The following GRIN2A variants were observed in gnomAD, a reference collection of about 807,000 sequenced individuals.
GRIN2A encodes the protein glutamate receptor ionotropic, NMDA 2A.
Under a neutral mutation model 113.4 loss-of-function variants are expected in GRIN2A, and 22 were observed. The ratio of observed to expected loss-of-function variants is 0.19; its 90% CI spans 0.14 to 0.28. The LOEUF is 0.28. Ranked by LOEUF, GRIN2A falls within the 10% of genes least tolerant of loss-of-function variation. The pLI is 1.00. For missense variants in GRIN2A, 1,502 were observed against 1,887.0 expected (o/e 0.80, Z 3.78); for synonymous variants, 827 against 738.4 (o/e 1.12, Z -1.94).
intron 2 of GRIN2A, among the ~76,000 whole-genome samples, chr16:10,050,813 G>C (rs556333161): frequency 1.3e-5 from 2 of 152,172 alleles, no homozygotes; most frequent in Admixed American, 6.5e-5. Context: ...TAGAGACAGT[G>C]AATCATAATC....
At chr16:10,135,343 G>A (rs2049169688) in intron 2 of GRIN2A, among the ~76,000 whole-genome samples, 1 of 152,112 alleles carries the variant, frequency 6.6e-6, no homozygotes, top group African/African-American at 2.4e-5. Flanking sequence ...GATGATTTAG[G>A]TAGTCTCTAA....
intron 2 of GRIN2A, among the ~76,000 whole-genome samples, chr16:10,072,073 T>C (rs1385101867): frequency 6.6e-6 from 1 of 152,210 alleles, no homozygotes; most frequent in Non-Finnish European, 1.5e-5. Context: ...GATCAGAAAG[T>C]GATGATACCT....
chr16:10,103,367 A>G (rs1277445341), intron 2 of GRIN2A, among the ~76,000 whole-genome samples: 1 of 152,202 alleles, frequency 6.6e-6, no homozygotes, highest in Non-Finnish European at 1.5e-5. Flanking sequence ...CATTTTGCAG[A>G]GCAGAAAATA....
chr16:10,089,461 G>A (rs1011694325), intron 2 of GRIN2A, among the ~76,000 whole-genome samples: 6 of 152,144 alleles, frequency 3.9e-5, no homozygotes, highest in East Asian at 1.9e-4. Context: ...TGTTACCAAC[G>A]AGAAGCATAT....
At chr16:10,074,047 G>GT (rs201923898) in intron 2 of GRIN2A, among the ~76,000 whole-genome samples, 35 of 152,148 alleles carry the variant, frequency 2.3e-4, no homozygotes, top group Non-Finnish European at 1.3e-4. Flanking sequence ...AGGCGACTCC[G>GT]TTTTTAAAAA....
chr16:9,870,317 T>G (rs768348360), intron 4 of GRIN2A, among the ~76,000 whole-genome samples: 1 of 152,154 alleles, frequency 6.6e-6, no homozygotes, highest in Non-Finnish European at 1.5e-5. Context: ...TGTGACCTTA[T>G]GCATACACTT....
At chr16:9,899,440 CAAAAA>C (rs71157791) in intron 3 of GRIN2A, among the ~76,000 whole-genome samples, 2 of 6,208 alleles carry the variant, frequency 3.2e-4, no homozygotes, top group Non-Finnish European at 6.7e-4. Context: ...AACTCCGTCT[CAAAAA>C]AAAAAAAAAA....
intron 2 of GRIN2A, among the ~76,000 whole-genome samples, chr16:9,989,640 T>A (rs1040366189): frequency 1.3e-4 from 20 of 151,862 alleles, no homozygotes; most frequent in African/African-American, 4.6e-4. Context: ...AAACTAGGTA[T>A]CCAACAAAGG....
chr16:9,834,028 G>A, intron 8 of GRIN2A, 77 bp downstream of exon 8: 1 of 1,440,900 alleles, frequency 6.9e-7, no homozygotes, highest in Non-Finnish European at 9.8e-7. Flanking sequence ...AGAGTAATGT[G>A]TTCTAAAACT....
chr16:9,983,983 G>T (rs1209399184), intron 2 of GRIN2A, among the ~76,000 whole-genome samples: 1 of 152,164 alleles, frequency 6.6e-6, no homozygotes, highest in Non-Finnish European at 1.5e-5. Context: ...ACTCCATACC[G>T]TTTTTCATAA....
At chr16:9,877,919 G>A (rs937151927) in intron 4 of GRIN2A, among the ~76,000 whole-genome samples, 1 of 146,110 alleles carries the variant, frequency 6.8e-6, no homozygotes, top group South Asian at 2.2e-4. Context: ...AGGGCTTTGC[G>A]TTTCTCTACA....
intron 2 of GRIN2A, among the ~76,000 whole-genome samples, chr16:10,114,613 A>T (rs563823051): frequency 3.0e-4 from 45 of 152,316 alleles, no homozygotes; most frequent in Non-Finnish European, 6.0e-4. Flanking sequence ...GTAGCTAAGA[A>T]CACTGCCCAC....
chr16:9,913,050 G>A (rs2044177016), intron 3 of GRIN2A, among the ~76,000 whole-genome samples: 1 of 152,218 alleles, frequency 6.6e-6, no homozygotes, highest in Admixed American at 6.5e-5. Context: ...GTGTCCACAT[G>A]ATTTCTCTCC....
chr16:9,896,033 T>A (rs929858465), intron 3 of GRIN2A, among the ~76,000 whole-genome samples: 1 of 151,050 alleles, frequency 6.6e-6, no homozygotes, highest in Non-Finnish European at 1.5e-5. Context: ...TTGCGTAACA[T>A]GAACTGAATG....
chr16:9,775,025 C>T (rs546021555), intron 11 of GRIN2A, among the ~76,000 whole-genome samples: 1 of 152,340 alleles, frequency 6.6e-6, no homozygotes, highest in Admixed American at 6.5e-5. Context: ...TCCAGAGGAA[C>T]TGCAGTTTTT....
chr16:10,040,146 C>A (rs1329982653), intron 2 of GRIN2A, among the ~76,000 whole-genome samples: 2 of 100,082 alleles, frequency 2.0e-5, no homozygotes, highest in Non-Finnish European at 4.2e-5. Flanking sequence ...ACCACACATA[C>A]ACACTCGCAA....
chr16:9,784,665 G>A (rs1170119609), intron 11 of GRIN2A, among the ~76,000 whole-genome samples: 1 of 152,040 alleles, frequency 6.6e-6, no homozygotes, highest in African/African-American at 2.4e-5. Context: ...CCTACAGAAT[G>A]GGAGAAAATT....
chr16:9,950,984 A>C (rs1487450736), intron 2 of GRIN2A, among the ~76,000 whole-genome samples: 1 of 152,164 alleles, frequency 6.6e-6, no homozygotes, highest in Non-Finnish European at 1.5e-5. Flanking sequence ...AATTAATTTA[A>C]ATTTTACTGG....
chr16:9,994,508 G>A (rs532185967), intron 2 of GRIN2A, among the ~76,000 whole-genome samples: 3 of 152,260 alleles, frequency 2.0e-5, no homozygotes, highest in East Asian at 1.9e-4. Context: ...TGACGTCCCC[G>A]AGATGTTAAC....
Sources: gnomAD v4.1 joint callset for allele counts (sites outside exome capture counted in the v4.1 genomes callset) on GRCh38, gnomAD v4.1.1 for gene constraint, MANE v1.5 for transcripts, NCBI Gene and HGNC (gene_info 2026-07-23, HGNC 2026-07-21) for gene names.